Variants in LETM1 observed in about 807,000 individuals in gnomAD.
LETM1 encodes the protein leucine zipper and EF-hand containing transmembrane protein 1, also known as mitochondrial proton/calcium exchanger protein.
Under a neutral mutation model 74.5 loss-of-function variants are expected in LETM1, and 50 were observed. The observed-to-expected ratio is 0.67, with a 90% CI of 0.53 to 0.85. LETM1 has a LOEUF of 0.85. Ranked by LOEUF, LETM1 falls within the 40% of genes least tolerant of loss-of-function variation. LETM1 has a pLI of 0.00. For synonymous variants in LETM1, 446 were observed against 407.1 expected, an observed-to-expected ratio of 1.10 and a Z score of -1.15; for missense variants, 824 against 967.8, an observed-to-expected ratio of 0.85 and a Z score of 1.97.
At chr4:1,818,349 C>T (rs1427901244) in intron 11 of LETM1, among the ~76,000 whole-genome samples, 1 of 152,146 alleles carries the variant, frequency 6.6e-6, no homozygotes, top group Admixed American at 6.5e-5. Context: ...CACAGTGGCT[C>T]ATGTTTGTAA....
rs369944553 is a variant in LETM1, at chr4:1,825,541, G to A, written c.1200+23C>T. 8.2e-6 allele frequency: 13 copies of A among 1,595,008 alleles called. No homozygotes were observed. In the African/African-American group the frequency reaches 1.4e-4, roughly 17 times the overall value. On this transcript the variant is annotated intron_variant, in intron 7 of 13. Transcript: ENST00000302787. ...TTTCCCTTGAGCCCGTGCCGGCCTGGCACCAGGCCAATATTCACGCACCTG... is the reference window on the plus strand; with the variant it reads ...TTTCCCTTGAGCCCGTGCCGGCCTGACACCAGGCCAATATTCACGCACCTG...
intron 2 of LETM1, among the ~76,000 whole-genome samples, chr4:1,845,649 G>A (rs770296089): frequency 3.3e-5 from 5 of 150,070 alleles, no homozygotes; most frequent in Admixed American, 1.3e-4. Context: ...CCAGGTTCAC[G>A]AAGTTCTCCT....
chr4:1,818,910 C>T (rs546174776), intron 11 of LETM1, among the ~76,000 whole-genome samples: 1 of 151,770 alleles, frequency 6.6e-6, no homozygotes, highest in South Asian at 2.1e-4. Flanking sequence ...GGTGAAACCC[C>T]GTCTCTACTA....
intron 2 of LETM1, among the ~76,000 whole-genome samples, chr4:1,847,282 A>C (rs1712915584): frequency 6.6e-6 from 1 of 152,026 alleles, no homozygotes; most frequent in South Asian, 2.1e-4. Flanking sequence ...TCAAAGCTGC[A>C]GTGAGCCATG....
rs1206132388 is a variant in LETM1, at chr4:1,825,751, C to T, written c.1081-68G>A. 6 of 1,517,544 alleles carry T rather than the reference C, an allele frequency of 4.0e-6. No individual in the cohort carries two copies. In the African/African-American group the frequency reaches 5.5e-5, roughly 14 times the overall value. 94.0% of individuals were successfully genotyped at this position (1,517,544 alleles called of 1,614,324 possible). ...GTGGGTGACAGTGTCTGTGTGAACA[C>T]CCTCCAGAATAAGTGGCTAACAGAT... On this transcript the variant is annotated intron_variant, in intron 6 of 13. Coordinates refer to ENST00000302787, the MANE Select transcript of LETM1 (RefSeq NM_012318.3).
At chr4:1,841,981 C>A (rs1712717844) in intron 2 of LETM1, among the ~76,000 whole-genome samples, 184 bp from the exon 3 acceptor site, 1 of 152,126 alleles carries the variant, frequency 6.6e-6, no homozygotes, top group Non-Finnish European at 1.5e-5. Context: ...GAAGGGAGGC[C>A]AGGACAGTGT....
rs1351517911 is a variant in LETM1, at chr4:1,819,382, C to T, written c.1699G>A (p.Glu567Lys). 6.2e-7 allele frequency: 1 copy of T among 1,613,866 alleles called. No homozygotes were observed. Among genetic ancestry groups the T allele is most frequent in the East Asian group, 2.2e-5 (1 of 44,856 alleles). Reference sequence around the variant, plus strand: ...TCCTCCTTCAGCAGCTCCAGCTCCTCCTTCTCCTTGGTGAGTGACTTCTTC... The same window carrying T: ...TCCTCCTTCAGCAGCTCCAGCTCCTTCTTCTCCTTGGTGAGTGACTTCTTC... The part of the protein sequence containing the change: ...EQKKSLTKEK[E>K]ELELLKEDVQ... Residue 567 changes from glutamate (E) to lysine (K), a missense_variant, in exon 11 of 14, where the codon GAG becomes AAG. By Grantham distance (56) the Glu-to-Lys change is moderately conservative (BLOSUM62 1). Around this residue, in one of 4 missense-constraint regions of LETM1, gnomAD observed 161 missense variants for 252.7 expected, o/e 0.64. Transcript: ENST00000302787.
At chr4:1,851,461 C>T (rs934871502) in intron 1 of LETM1, among the ~76,000 whole-genome samples, 2 of 152,190 alleles carry the variant, frequency 1.3e-5, no homozygotes, top group Non-Finnish European at 2.9e-5. Flanking sequence ...TAACAGGAGG[C>T]AACTCTCCTG....
At position 1,853,396 on chromosome 4, in the gene LETM1, A is replaced by C. The variant is rs148275826; in HGVS notation, c.82+2473T>G. On this transcript the variant is annotated intron_variant, in intron 1 of 13. Transcript: ENST00000302787. ...CAGCCTACTGATCAAGGTCAACATC[A>C]ACAGTGACAAATCATTTGGACAGCA... Among the ~76,000 whole-genome samples the C allele has an allele frequency of 4.8e-3, 731 of 152,386 alleles. 5 individuals carry two copies. The highest frequency in any genetic ancestry group is 0.017 in the African/African-American group (710 of 41,592).
intron 9 of LETM1, 183 bp downstream of exon 9, chr4:1,822,805 T>A (rs1032846188): frequency 6.3e-6 from 3 of 473,438 alleles, no homozygotes; most frequent in Non-Finnish European, 1.0e-5. Context: ...GGAGTCCCCA[T>A]GTCAGAGTTG....
intron 1 of LETM1, among the ~76,000 whole-genome samples, chr4:1,850,596 T>C (rs996191665): frequency 3.0e-4 from 43 of 141,248 alleles, no homozygotes; most frequent in African/African-American, 1.1e-3. Context: ...TGAGCTGAGA[T>C]CGCACCACTG....
intron 1 of LETM1, among the ~76,000 whole-genome samples, chr4:1,852,036 C>A (rs1713086710): frequency 6.6e-6 from 1 of 152,178 alleles, no homozygotes; most frequent in Admixed American, 6.5e-5. Context: ...CTGCTGGGAG[C>A]CCTTCTGTTC....
At chr4:1,828,363 G>C (rs1247632056) in intron 6 of LETM1, among the ~76,000 whole-genome samples, 1 of 124,922 alleles carries the variant, frequency 8.0e-6, no homozygotes, top group Non-Finnish European at 1.7e-5. Flanking sequence ...CGGGGCGGCT[G>C]GCCGGGCGGG....
chr4:1,825,595 G>T lies in LETM1; in HGVS notation c.1169C>A (p.Thr390Lys). The change falls in exon 7 of 14, where the codon ACG becomes AAG. Residue 390 changes from threonine to lysine, a missense_variant. This residue lies in a region of LETM1 where 269 missense variants were observed against 348.8 expected (regional missense o/e 0.77). Transcript: ENST00000302787. Reference sequence around the variant, plus strand: ...CAGCTGACCCCTCAGGCGGTCTTCCGTGACGCCCAGGGCCCGCATGCCTCG... The same window carrying T: ...CAGCTGACCCCTCAGGCGGTCTTCCTTGACGCCCAGGGCCCGCATGCCTCG... ...RARGMRALGV[T>K]EDRLRGQLKQ... 1 of 1,613,722 alleles carries T rather than the reference G, an allele frequency of 6.2e-7. No individual in the cohort carries two copies. Among genetic ancestry groups the T allele is most frequent in the Non-Finnish European group, 8.5e-7 (1 of 1,179,770 alleles).
chr4:1,825,432 C>T (rs966062853), intron 7 of LETM1, 132 bp downstream of exon 7: 17 of 1,099,690 alleles, frequency 1.5e-5, no homozygotes, highest in South Asian at 7.7e-5. Flanking sequence ...ACATCCTGGC[C>T]GTCCCCAGAG....
intron 10 of LETM1, among the ~76,000 whole-genome samples, chr4:1,821,841 C>T (rs375019370): frequency 6.6e-6 from 1 of 152,186 alleles, no homozygotes; most frequent in Non-Finnish European, 1.5e-5. Context: ...GCCACATTGG[C>T]TTCCACACCC....
At chr4:1,827,809 C>T (rs1712053107) in intron 6 of LETM1, among the ~76,000 whole-genome samples, 1 of 151,032 alleles carries the variant, frequency 6.6e-6, no homozygotes, top group African/African-American at 2.4e-5. Context: ...TTGGGCACAC[C>T]TCCCAGACGG....
At chr4:1,814,719 G>T in intron 13 of LETM1, 146 bp from the exon 14 acceptor site, 1 of 676,546 alleles carries the variant, frequency 1.5e-6, no homozygotes, top group Non-Finnish European at 2.6e-6. Flanking sequence ...GGTCCTCAGA[G>T]CACCAATTCC....
chr4:1,848,807 G>A (rs1712971937), intron 2 of LETM1, among the ~76,000 whole-genome samples: 1 of 150,100 alleles, frequency 6.7e-6, no homozygotes, highest in Non-Finnish European at 1.5e-5. Flanking sequence ...TCAAAATACT[G>A]ACACTGGGCA....
Sources: gnomAD v4.1 joint callset for allele counts (sites outside exome capture counted in the v4.1 genomes callset) on GRCh38, gnomAD v4.1.1 for gene constraint, gnomAD v4.1.1 regional missense constraint, MANE v1.5 for transcripts, NCBI Gene and HGNC (gene_info 2026-07-23, HGNC 2026-07-21) for gene names.